The following ANO3 variants were observed in gnomAD, a reference collection of about 807,000 sequenced individuals.
The protein encoded by ANO3 is anoctamin-3.
A neutral mutation model predicts 144.8 loss-of-function variants in ANO3; 99 were observed. That is an observed-to-expected ratio of 0.68 (90% confidence interval 0.58 to 0.81). ANO3 has a LOEUF of 0.81. Ranked by LOEUF, ANO3 falls within the 30% of genes least tolerant of loss-of-function variation. The probability of loss-of-function intolerance (pLI) is 0.00; values close to 1 mark genes in which losing one functional copy is unlikely to be tolerated. For missense variants in ANO3, 905 were observed against 1,202.2 expected, an observed-to-expected ratio of 0.75 and a Z score of 3.66; for synonymous variants, 414 against 392.6, an observed-to-expected ratio of 1.05 and a Z score of -0.64.
chr11:26,508,270 C>A lies in ANO3; in HGVS notation c.591+8C>A. 1 of 1,576,842 alleles carries A rather than the reference C, an allele frequency of 6.3e-7. No homozygotes were observed. The highest frequency in any genetic ancestry group is 8.6e-7 in the Non-Finnish European group (1 of 1,169,220). On this transcript the variant is annotated splice_region_variant and intron_variant, in intron 5 of 26. Transcript: ENST00000256737. ...TTGATGTTGGAGAAGGAGGTAGGTG[C>A]TTTACTATTATTAGTTATGTGATAA...
intron 1 of ANO3, among the ~76,000 whole-genome samples, chr11:26,417,601 GGTA>G (rs1287848540): frequency 6.6e-5 from 10 of 151,850 alleles, no homozygotes; most frequent in African/African-American, 2.4e-4. Context: ...TAGGAAGAGT[GGTA>G]CCTGTAGGTT....
intron 1 of ANO3, among the ~76,000 whole-genome samples, chr11:26,297,165 C>T (rs1854110180): frequency 6.6e-6 from 1 of 151,052 alleles, no homozygotes; most frequent in African/African-American, 2.4e-5. Context: ...CTGAACATCC[C>T]AAGCTGCATC....
In ANO3 at chr11:26,531,212, A is replaced by T. The variant is rs1022133494; in HGVS notation, c.745A>T (p.Thr249Ser). 6.2e-7 allele frequency: 1 copy of T among 1,613,944 alleles called. No individual in the cohort carries two copies. Among genetic ancestry groups the T allele is most frequent in the Non-Finnish European group, 8.5e-7 (1 of 1,179,952 alleles). Residue 249 changes from threonine to serine, a missense_variant, in exon 8 of 27, where the codon ACT becomes TCT. By Grantham distance (58) the Thr-to-Ser change is moderately conservative. Coordinates refer to ENST00000256737, the MANE Select transcript of ANO3 (RefSeq NM_031418.4). ...GRSKSMGRMQ[T>S]YFRRIKNWMA... ...AATGTGACTTCATTCCAGGATGCAA[A>T]CTTATTTTAGAAGAATCAAAAACTG... is the stretch of plus-strand genomic sequence containing the variant.
intron 1 of ANO3, among the ~76,000 whole-genome samples, chr11:26,422,807 T>C (rs1490693478): frequency 6.6e-6 from 1 of 151,960 alleles, no homozygotes; most frequent in Non-Finnish European, 1.5e-5. Context: ...CACATACTGC[T>C]AGTAATGCCA....
chr11:26,460,695 A>G (rs1859362597), intron 3 of ANO3, among the ~76,000 whole-genome samples: 1 of 104,492 alleles, frequency 9.6e-6, no homozygotes, highest in Non-Finnish European at 2.2e-5. Flanking sequence ...AGTTATAGGA[A>G]TTAAAGAAAA....
intron 14 of ANO3, among the ~76,000 whole-genome samples, chr11:26,595,264 A>G (rs1417388884): frequency 6.6e-6 from 1 of 151,906 alleles, no homozygotes; most frequent in Admixed American, 6.6e-5. Flanking sequence ...AGGCTGCTGG[A>G]TTCTAGTGGT....
At chr11:26,553,783 A>G (rs1850007363) in intron 13 of ANO3, among the ~76,000 whole-genome samples, 1 of 152,130 alleles carries the variant, frequency 6.6e-6, no homozygotes, top group African/African-American at 2.4e-5. Flanking sequence ...AAACTCCTGA[A>G]GCTCAGATCA....
At chr11:26,232,529 G>GGGAAA in intron 1 of ANO3, among the ~76,000 whole-genome samples, 1 of 152,184 alleles carries the variant, frequency 6.6e-6, no homozygotes, top group East Asian at 1.9e-4. Context: ...GCAAGCAATA[G>GGGAAA]GGAAAGGATT....
intron 4 of ANO3, among the ~76,000 whole-genome samples, chr11:26,465,272 TTAGATAGA>T (rs60663776): frequency 0.016 from 2,352 of 146,418 alleles, 36 homozygotes; most frequent in African/African-American, 0.043. Context: ...ATGAACCTAT[TTAGATAGA>T]TAGATAGATA....
intron 17 of ANO3, among the ~76,000 whole-genome samples, chr11:26,615,503 GTA>G (rs1039068278): frequency 6.6e-6 from 1 of 150,958 alleles, no homozygotes; most frequent in Non-Finnish European, 1.5e-5. Context: ...CTTGACCTGT[GTA>G]ACGCTGGTCA....
chr11:26,592,904 CT>C (rs1342748586), intron 14 of ANO3, among the ~76,000 whole-genome samples: 1 of 152,094 alleles, frequency 6.6e-6, no homozygotes, highest in Non-Finnish European at 1.5e-5. Flanking sequence ...CATTCTGTTT[CT>C]TTTGCTGAGT....
intron 8 of ANO3, 133 bp downstream of exon 8, chr11:26,531,469 C>T: frequency 9.6e-7 from 1 of 1,043,488 alleles, no homozygotes; most frequent in Non-Finnish European, 1.4e-6. Flanking sequence ...TTAAAATACA[C>T]ACTTAACTTA....
At chr11:26,231,673 C>T (rs941269268) in intron 1 of ANO3, among the ~76,000 whole-genome samples, 1 of 152,204 alleles carries the variant, frequency 6.6e-6, no homozygotes, top group Non-Finnish European at 1.5e-5. Context: ...TGGAAAGCTA[C>T]TTAAGTTCTC....
intron 1 of ANO3, among the ~76,000 whole-genome samples, chr11:26,192,639 T>C (rs2133903976): frequency 6.6e-6 from 1 of 152,268 alleles, no homozygotes; most frequent in East Asian, 1.9e-4. Context: ...TTAAATTCCG[T>C]GCATTAGAAG....
intron 1 of ANO3, among the ~76,000 whole-genome samples, chr11:26,269,085 G>A (rs1853379908): frequency 6.6e-6 from 1 of 152,150 alleles, no homozygotes; most frequent in African/African-American, 2.4e-5. Flanking sequence ...ATTGCAGGAG[G>A]CTATGCCTTA....
chr11:26,408,427 A>G (rs2133982845), intron 1 of ANO3, among the ~76,000 whole-genome samples: 1 of 152,146 alleles, frequency 6.6e-6, no homozygotes, highest in East Asian at 1.9e-4. Context: ...ACAATGAGAT[A>G]CCATCTCACA....
intron 1 of ANO3, among the ~76,000 whole-genome samples, chr11:26,323,642 C>G (rs1231908311): frequency 6.6e-6 from 1 of 152,162 alleles, no homozygotes; most frequent in Middle Eastern, 3.4e-3. Context: ...CCTGCAGAAC[C>G]AACACTTGAA....
intron 1 of ANO3, among the ~76,000 whole-genome samples, chr11:26,366,329 A>G (rs1590296999): frequency 6.6e-6 from 1 of 152,026 alleles, no homozygotes; most frequent in Non-Finnish European, 1.5e-5. Flanking sequence ...TGAACTCATC[A>G]TTTTTTATGG....
intron 1 of ANO3, among the ~76,000 whole-genome samples, chr11:26,350,550 A>T (rs2133912005): frequency 6.6e-6 from 1 of 152,278 alleles, no homozygotes; most frequent in East Asian, 1.9e-4. Context: ...TAATCTATTT[A>T]ATCTATTTCC....
Sources: allele counts gnomAD v4.1 joint callset (sites outside exome capture counted in the v4.1 genomes callset), GRCh38; gene constraint gnomAD v4.1.1; transcripts MANE v1.5; gene names NCBI Gene and HGNC (gene_info 2026-07-23, HGNC 2026-07-21).